TARS3: variants seen among roughly 807,000 people sequenced by gnomAD.
TARS3 encodes threonyl-tRNA synthetase 3.
Under a neutral mutation model 103.5 loss-of-function variants are expected in TARS3, and 94 were observed. The ratio of observed to expected loss-of-function variants is 0.91; its 90% CI spans 0.77 to 1.08. The LOEUF (loss-of-function observed/expected upper bound fraction) is 1.08, where lower values mean the gene tolerates loss of function less well. TARS3 is among the 50% of genes least tolerant of loss of function. TARS3 has a pLI of 0.00. For synonymous variants in TARS3, 416 were observed against 355.4 expected, an observed-to-expected ratio of 1.17 and a Z score of -1.92; for missense variants, 952 against 995.2, an observed-to-expected ratio of 0.96 and a Z score of 0.58.
intron 18 of TARS3, chr15:101,656,151 A>G (rs1484269835): frequency 1.1e-6 from 1 of 903,934 alleles, no homozygotes; most frequent in Non-Finnish European, 1.6e-6. Flanking sequence ...TGGTTTGGCT[A>G]TTTAATTCTA....
chr15:101,674,046 C>T (rs1897923880), intron 13 of TARS3, among the ~76,000 whole-genome samples: 1 of 152,136 alleles, frequency 6.6e-6, no homozygotes, highest in Admixed American at 6.5e-5. Context: ...ATAAACAACT[C>T]ATAAGTTTTA....
At chr15:101,675,538 C>G (rs375548416) in intron 13 of TARS3, 62 bp downstream of exon 13, 2 of 1,507,418 alleles carry the variant, frequency 1.3e-6, no homozygotes, top group East Asian at 4.5e-5. Context: ...GTGAAGACTG[C>G]AGCCTCTCAG....
intron 10 of TARS3, among the ~76,000 whole-genome samples, chr15:101,699,139 T>C (rs1261669507): frequency 2.0e-5 from 3 of 152,212 alleles, no homozygotes; most frequent in Non-Finnish European, 2.9e-5. Flanking sequence ...TTACTTGATA[T>C]GGGAAGTGAC....
intron 15 of TARS3, among the ~76,000 whole-genome samples, chr15:101,669,359 A>G (rs1897708157): frequency 6.6e-6 from 1 of 152,242 alleles, no homozygotes; most frequent in Non-Finnish European, 1.5e-5. Context: ...AAGTTTTAAA[A>G]TGTCAAAAAT....
At position 101,724,081 on chromosome 15, in the gene TARS3, G is replaced by A. The variant is rs756071492; in HGVS notation, c.297+10C>T. On this transcript the variant is annotated intron_variant, in intron 1 of 18. Coordinates refer to ENST00000335968, the MANE Select transcript of TARS3 (RefSeq NM_152334.3). ...CCGCGTCCTCTCCAGTGTCCCCACC[G>A]CCCGGTTACCTGTGCGCCGGCCTCC... The A allele has an allele frequency of 3.9e-5, 53 of 1,354,988 alleles. No individual in the cohort carries two copies. Among genetic ancestry groups the A allele is most frequent in the Admixed American group, 3.7e-5 (1 of 26,754 alleles). The allele number at this position is 1,354,988 out of a possible 1,614,324, so 83.9% of individuals were successfully genotyped here. A position where few individuals can be genotyped will look rare whatever the true frequency, so the allele number is the denominator to read the frequency against.
In TARS3 at chr15:101,657,766, T is replaced by C. The variant is rs754150774; in HGVS notation, c.2145+19A>G. 3 of 1,567,512 alleles carry C rather than the reference T, an allele frequency of 1.9e-6. No individual in the cohort carries two copies. The highest frequency in any genetic ancestry group is 2.6e-6 in the Non-Finnish European group (3 of 1,144,450). ...ATACATGCAAGATTATTATGTACTT[T>C]AAACACCTCTGATTTTACCTGAAGT... On this transcript the variant is annotated intron_variant, in intron 17 of 18. Transcript: ENST00000335968.
chr15:101,687,019 A>G (rs549429903), intron 10 of TARS3, among the ~76,000 whole-genome samples: 1 of 152,294 alleles, frequency 6.6e-6, no homozygotes, highest in East Asian at 1.9e-4. Context: ...GTTATTCTTC[A>G]GCAGGGCATC....
In TARS3 at chr15:101,689,340, T is replaced by C. The variant is rs567589382; in HGVS notation, c.1321-3278A>G. On this transcript the variant is annotated intron_variant, in intron 10 of 18. Coordinates refer to ENST00000335968, the MANE Select transcript of TARS3 (RefSeq NM_152334.3). ...AAAACCTTGGATCCTAAGGACAGAC[T>C]GAGGCCATCCACTATTATTGGTTTA... Among the ~76,000 whole-genome samples, 11 of 152,280 alleles carry C rather than the reference T, an allele frequency of 7.2e-5. No homozygotes were observed. The South Asian group carries it at 1.0e-3, about 14-fold the overall frequency.
At chr15:101,712,049 G>A (rs757056664) in intron 4 of TARS3, 48 bp from the exon 5 acceptor site, 4 of 1,563,256 alleles carry the variant, frequency 2.6e-6, no homozygotes, top group Non-Finnish European at 3.5e-6. Context: ...AGTATGTCAT[G>A]GAAAATTAGT....
At chr15:101,657,099 T>C in intron 17 of TARS3, 63 bp from the exon 18 acceptor site, 2 of 1,083,884 alleles carry the variant, frequency 1.8e-6, no homozygotes, top group Non-Finnish European at 2.8e-6. Context: ...GAAGACCCCG[T>C]TGTTCCCCAC....
intron 15 of TARS3, among the ~76,000 whole-genome samples, chr15:101,666,945 T>A (rs1476838244): frequency 6.6e-6 from 1 of 152,212 alleles, no homozygotes; most frequent in African/African-American, 2.4e-5. Context: ...TAGTATGCCT[T>A]CCAAAATGAA....
At chr15:101,699,717 A>G (rs1163014530) in intron 10 of TARS3, among the ~76,000 whole-genome samples, 1 of 152,188 alleles carries the variant, frequency 6.6e-6, no homozygotes, top group East Asian at 1.9e-4. Flanking sequence ...ACCCCAGGTG[A>G]TAGAATACAG....
intron 3 of TARS3, among the ~76,000 whole-genome samples, chr15:101,717,809 A>G (rs1020507366): frequency 6.6e-6 from 1 of 152,188 alleles, no homozygotes; most frequent in African/African-American, 2.4e-5. Flanking sequence ...ACAGACTTTG[A>G]CCATATTCAA....
intron 16 of TARS3, among the ~76,000 whole-genome samples, chr15:101,660,030 TAAGAC>T: frequency 6.6e-6 from 1 of 152,290 alleles, no homozygotes; most frequent in South Asian, 2.1e-4. Context: ...CACTCTGACT[TAAGAC>T]AGAGTGGAGA....
chr15:101,697,467 G>A (rs954359096), intron 10 of TARS3, among the ~76,000 whole-genome samples: 3 of 152,104 alleles, frequency 2.0e-5, no homozygotes, highest in Non-Finnish European at 4.4e-5. Context: ...CCGATTTTTG[G>A]CTCCCTATGG....
intron 12 of TARS3, 46 bp from the exon 13 acceptor site, chr15:101,675,783 T>A: frequency 6.4e-7 from 1 of 1,566,224 alleles, no homozygotes; most frequent in Non-Finnish European, 8.7e-7. Flanking sequence ...ATCAAATTCA[T>A]TTATGTTTTA....
At chr15:101,701,005 T>C in intron 10 of TARS3, 81 bp downstream of exon 10, 2 of 942,148 alleles carry the variant, frequency 2.1e-6, no homozygotes, top group Non-Finnish European at 1.6e-6. Context: ...ATGGAAACGC[T>C]TGACCACTTT....
intron 10 of TARS3, among the ~76,000 whole-genome samples, chr15:101,688,424 A>G (rs1003784680): frequency 2.6e-5 from 4 of 152,166 alleles, no homozygotes; most frequent in African/African-American, 9.7e-5. Context: ...GAAGAAATCC[A>G]GATAACTTAT....
chr15:101,699,768 C>A (rs117394999), intron 10 of TARS3, among the ~76,000 whole-genome samples: 1 of 148,408 alleles, frequency 6.7e-6, no homozygotes, highest in African/African-American at 2.6e-5. Context: ...AAGAAAAAGA[C>A]GGAGAACAAG....
Sources: allele counts gnomAD v4.1 joint callset (sites outside exome capture counted in the v4.1 genomes callset), GRCh38; gene constraint gnomAD v4.1.1; transcripts MANE v1.5; gene names NCBI Gene and HGNC (gene_info 2026-07-23, HGNC 2026-07-21).